The following GLMP variants were observed in gnomAD, a reference collection of about 807,000 sequenced individuals.
GLMP encodes kidney lysosomal membrane protein.
Under a neutral mutation model 39.2 loss-of-function variants are expected in GLMP, and 36 were observed. That is an observed-to-expected ratio of 0.92 (90% CI 0.70 to 1.21). The LOEUF is 1.21. Among genes scored for constraint, GLMP ranks in the 50% most tolerant of loss-of-function variants. GLMP has a pLI of 0.00. For synonymous variants in GLMP, 220 were observed against 218.9 expected (o/e 1.01, Z -0.04); for missense variants, 454 against 505.6 (o/e 0.90, Z 0.98).
rs748589525 is a variant in GLMP at position 156,293,400 on chromosome 1, G to A, written c.975C>T (p.Ser325=). ...QSPIVRAFFG[S]QNNFCAFNLT... ...GATTGAAGGCACAGAAGTTATTCTG[G>A]GACCCAAAGAAGGCTCGGACAATGG... Residue 325 remains serine (S), a synonymous_variant, in exon 5 of 6, where the codon TCC becomes TCT. Transcript: ENST00000362007. 1 of 1,614,186 alleles carries A rather than the reference G, an allele frequency of 6.2e-7. No homozygotes were observed. The highest frequency in any genetic ancestry group is 1.1e-5 in the South Asian group (1 of 91,084).
At position 156,292,893 on chromosome 1, in the gene GLMP, T is replaced by C; in HGVS notation, c.*151A>G. On this transcript the variant is annotated 3_prime_UTR_variant, in exon 6 of 6. Transcript: ENST00000362007. ...GTATGAAGGAAGCCCCACCTGGGGG[T>C]CTCCAGGAAGTCGAGGCTGGCCTCT... The C allele has an allele frequency of 3.0e-6, 3 of 996,746 alleles. No homozygotes were observed. Among genetic ancestry groups the C allele is most frequent in the Non-Finnish European group, 4.4e-6 (3 of 684,544 alleles). The allele number at this position is 996,746 out of a possible 1,614,324, so 61.7% of individuals were successfully genotyped here. A position where few individuals can be genotyped will look rare whatever the true frequency, so the allele number is the denominator to read the frequency against.
At chr1:156,293,802 C>A in intron 4 of GLMP, 2 of 1,331,366 alleles carry the variant, frequency 1.5e-6, no homozygotes, top group Non-Finnish European at 1.1e-6. Flanking sequence ...CCCTAGCCCC[C>A]TTGCAGATCT....
Position 156,295,559 on chromosome 1 carries a change from G to A in GLMP, c.87C>T (p.Ala29=). The A allele has an allele frequency of 6.5e-7, 1 of 1,548,240 alleles. No homozygotes were observed. Among genetic ancestry groups the A allele is most frequent in the Middle Eastern group, 1.8e-4 (1 of 5,648 alleles). Residue 29 remains alanine, a synonymous_variant, in exon 1 of 6, where the codon GCC becomes GCT. Transcript: ENST00000362007. ...TCTTCTCCCCCAGCAGGCCAAATGG[G>A]GCTGCAAACAGAAGTAGAGTCCAAA... ...LLLWTLLLFA[A]PFGLLGEKTR...
In GLMP at chr1:156,292,922, G is replaced by A. The variant is rs544979845; in HGVS notation, c.*122C>T. 2.3e-4 allele frequency: 306 copies of A among 1,342,380 alleles called. 1 individual carries two copies. The South Asian group carries it at 4.0e-3, about 17-fold the overall frequency. 83.2% of individuals were successfully genotyped at this position (1,342,380 alleles called of 1,614,324 possible). The stretch of plus-strand genomic sequence containing the variant: ...CAGGAAGTCGAGGCTGGCCTCTGAG[G>A]TTCCACAGAAAAGCAAGATGGGGGA... On this transcript the variant is annotated 3_prime_UTR_variant, in exon 6 of 6. Coordinates refer to ENST00000362007, the MANE Select transcript of GLMP (RefSeq NM_144580.3).
In GLMP at chr1:156,293,491, T is replaced by C. The variant is rs1663448761; in HGVS notation, c.884A>G (p.Glu295Gly). 1.2e-6 allele frequency: 2 copies of C among 1,614,038 alleles called. No homozygotes were observed. Among genetic ancestry groups the C allele is most frequent in the Non-Finnish European group, 1.7e-6 (2 of 1,180,016 alleles). ...VAYSQKPGGR[E>G]SALPCQASPL... ...GGAAGCTTGGCAGGGCAGGGCTGATTCTCGGCCCCCCGGCTTCTGGGAGTA... is the reference window on the plus strand; with the variant it reads ...GGAAGCTTGGCAGGGCAGGGCTGATCCTCGGCCCCCCGGCTTCTGGGAGTA... Residue 295 changes from glutamate (E) to glycine (G), a missense_variant, in exon 5 of 6, where the codon GAA becomes GGA. Transcript: ENST00000362007.
chr1:156,293,427 T>C lies in GLMP; in HGVS notation c.948A>G (p.Ser316=). 6.2e-7 allele frequency: 1 copy of C among 1,613,888 alleles called. No homozygotes were observed. The highest frequency in any genetic ancestry group is 8.5e-7 in the Non-Finnish European group (1 of 1,179,970). Residue 316 remains serine (S), a synonymous_variant, in exon 5 of 6, where the codon TCA becomes TCG. Transcript: ENST00000362007. ...HPALAYSLPQ[S]PIVRAFFGSQ... is the part of the protein sequence containing the mutation. ...ACCCAAAGAAGGCTCGGACAATGGG[T>C]GACTGGGGAAGAGAGTATGCTAAGG...
chr1:156,292,787 T>C lies in GLMP; in HGVS notation c.*257A>G. On this transcript the variant is annotated 3_prime_UTR_variant, in exon 6 of 6. Coordinates refer to ENST00000362007, the MANE Select transcript of GLMP (RefSeq NM_144580.3). ...CTGCAAGTCCCATCCAAGGGAAATG[T>C]GTGGAGATGCAAGAAGGCAACACCA... The C allele has an allele frequency of 2.1e-6, 1 of 466,208 alleles. No individual in the cohort carries two copies. The highest frequency in any genetic ancestry group is 2.0e-5 in the African/African-American group (1 of 50,320). The allele number at this position is 466,208 out of a possible 1,614,324, so 28.9% of individuals were successfully genotyped here.
intron 1 of GLMP, chr1:156,295,249 G>A: frequency 8.0e-7 from 1 of 1,257,062 alleles, no homozygotes; most frequent in South Asian, 2.3e-5. Context: ...GACCCTGGTG[G>A]GCGGGTCAGG....
rs559674341 is a variant in GLMP, at chr1:156,294,694, C to T, written c.378+65G>A. On this transcript the variant is annotated intron_variant, in intron 2 of 5. Coordinates refer to ENST00000362007, the MANE Select transcript of GLMP (RefSeq NM_144580.3). ...CACCCACCCCCAGTCTTTAGTTCCA[C>T]CCTCTAATTGGGATGAACTCTCTCC... 1.3e-5 allele frequency: 20 copies of T among 1,562,772 alleles called. No homozygotes were observed. In the African/African-American group the frequency reaches 2.4e-4, roughly 19 times the overall value.
In GLMP at chr1:156,293,255, G is replaced by A. The variant is rs764868818; in HGVS notation, c.1056-46C>T. 2.5e-6 allele frequency: 4 copies of A among 1,610,742 alleles called. No homozygotes were observed. The South Asian group carries it at 4.4e-5, about 18-fold the overall frequency. On this transcript the variant is annotated intron_variant, in intron 5 of 5. Coordinates refer to ENST00000362007, the MANE Select transcript of GLMP (RefSeq NM_144580.3). ...GAGGTAAGCGGGCTTAGGAGGAAAG[G>A]CTGGGAGGCTCAGCCTTTGTCCACT...
In GLMP at chr1:156,294,877, G is replaced by A. The variant is rs960680739; in HGVS notation, c.260C>T (p.Thr87Ile). The change falls in exon 2 of 6, where the codon ACC becomes ATC. Residue 87 changes from threonine to isoleucine, a missense_variant. By Grantham distance (89) the Thr-to-Ile change is moderately conservative. Coordinates refer to ENST00000362007, the MANE Select transcript of GLMP (RefSeq NM_144580.3). ...GTTGACGCTCAGGGTGCTGTGGGGG[G>A]TGTTGGTGGCCACCATTACCACTGC... ...PLAVVMVATNTPHSTLSVNWS... is the reference protein window; with the variant it reads ...PLAVVMVATNIPHSTLSVNWS... 6.2e-7 allele frequency: 1 copy of A among 1,612,772 alleles called. No homozygotes were observed. The highest frequency in any genetic ancestry group is 8.5e-7 in the Non-Finnish European group (1 of 1,179,412).
Position 156,295,616 on chromosome 1 carries a change from A to T in GLMP, c.30T>A (p.Gly10=). The T allele has an allele frequency of 6.4e-7, 1 of 1,552,264 alleles. No individual in the cohort carries two copies. Among genetic ancestry groups the T allele is most frequent in the Admixed American group, 2.0e-5 (1 of 50,976 alleles). The part of the protein sequence containing the change: MRGSVECTW[G]WGHCAPSPLL... ...GGGGGCTGGGGGCACAGTGCCCCCA[A>T]CCCCAGGTGCACTCCACAGAGCCGC... The change falls in exon 1 of 6, where the codon GGT becomes GGA. Residue 10 remains glycine (G), a synonymous_variant. Coordinates refer to ENST00000362007, the MANE Select transcript of GLMP (RefSeq NM_144580.3).
chr1:156,294,300 CCAT>C, intron 3 of GLMP, 62 bp downstream of exon 3: 3 of 1,601,434 alleles, frequency 1.9e-6, no homozygotes, highest in Non-Finnish European at 2.6e-6. Context: ...AGGGCCACCT[CCAT>C]CATTAAATCC....
At position 156,293,046 on chromosome 1, in the gene GLMP, A is replaced by C; in HGVS notation, c.1219T>G (p.Ter407GluextTer96). ...KKYSEYQSIN* is the reference protein window; with the variant it reads ...KKYSEYQSINE The stretch of plus-strand genomic sequence containing the variant: ...TCCTTCCCTCCAGAGAGCGGGCCTT[A>C]ATTTATGGACTGGTACTCTGAGTAC... Residue 407 changes from the stop codon to glutamate (E), a stop_lost, in exon 6 of 6, where the codon TAA (stop) becomes GAA (glutamate). Coordinates refer to ENST00000362007, the MANE Select transcript of GLMP (RefSeq NM_144580.3). 1 of 1,613,972 alleles carries C rather than the reference A, an allele frequency of 6.2e-7. No individual in the cohort carries two copies. Among genetic ancestry groups the C allele is most frequent in the Non-Finnish European group, 8.5e-7 (1 of 1,179,964 alleles).
At chr1:156,295,430 CA>C in intron 1 of GLMP, 95 bp downstream of exon 1, 11 of 1,413,422 alleles carry the variant, frequency 7.8e-6, no homozygotes, top group Non-Finnish European at 9.2e-6. Context: ...TCTTGGCAGC[CA>C]CCCTCCACCC....
rs1453468872 is a variant in GLMP, at chr1:156,292,717, T to TGCCTTCCAGGGCA, written c.*314_*326dup. The stretch of plus-strand genomic sequence containing the variant: ...GTGAAAAAAAATAAATCTATTTTCT[T>TGCCTTCCAGGGCA]GCCTTCCAGGGCAGCCAACCAGTCA... On this transcript the variant is annotated 3_prime_UTR_variant, in exon 6 of 6. Transcript: ENST00000362007. The TGCCTTCCAGGGCA allele has an allele frequency of 1.2e-4, 38 of 312,714 alleles. No individual in the cohort carries two copies. Among genetic ancestry groups the TGCCTTCCAGGGCA allele is most frequent in the Non-Finnish European group, 2.2e-4 (37 of 171,528 alleles). 19.4% of individuals were successfully genotyped at this position (312,714 alleles called of 1,614,324 possible).
intron 1 of GLMP, chr1:156,295,325 G>T: frequency 7.4e-7 from 1 of 1,357,774 alleles, no homozygotes. Context: ...GGGCTGAGTC[G>T]GGGTCCAGAC....
Position 156,292,715 on chromosome 1 carries a change from C to A in GLMP, c.*329G>T. 3.3e-6 allele frequency: 1 copy of A among 303,772 alleles called. No homozygotes were observed. The highest frequency in any genetic ancestry group is 6.0e-6 in the Non-Finnish European group (1 of 165,906). 18.8% of individuals were successfully genotyped at this position (303,772 alleles called of 1,614,324 possible). On this transcript the variant is annotated 3_prime_UTR_variant, in exon 6 of 6. Transcript: ENST00000362007. ...CTGTGAAAAAAAATAAATCTATTTT[C>A]TTGCCTTCCAGGGCAGCCAACCAGT...
At chr1:156,295,124 G>T (rs1663557844) in intron 1 of GLMP, 108 bp from the exon 2 acceptor site, 1 of 1,064,822 alleles carries the variant, frequency 9.4e-7, no homozygotes, top group African/African-American at 1.6e-5. Context: ...CAAAGGATGG[G>T]ATTTTGGGGA....
Sources: allele counts gnomAD v4.1 joint callset, GRCh38; gene constraint gnomAD v4.1.1; transcripts MANE v1.5; gene names NCBI Gene and HGNC (gene_info 2026-07-23, HGNC 2026-07-21).